The following EDA variants were observed in gnomAD, a reference collection of about 807,000 sequenced individuals.
The protein encoded by EDA is ectodysplasin A.
EDA carries 2 observed loss-of-function variants against 23.6 expected under a neutral mutation model. That is an observed-to-expected ratio of 0.08 (90% CI 0.03 to 0.27). The LOEUF (loss-of-function observed/expected upper bound fraction) is 0.27. EDA is among the 10% of genes least tolerant of loss of function. The pLI is 1.00. For synonymous variants in EDA, 131 were observed against 132.0 expected (o/e 0.99, Z 0.05); for missense variants, 229 against 324.2 (o/e 0.71, Z 2.26).
chrX:69,722,245 G>A lies in EDA; in HGVS notation c.396+105541G>A, dbSNP rs192779767. On this transcript the variant is annotated intron_variant, in intron 1 of 7. Transcript: ENST00000374552. ...TTTTGAGACAGAGTCTTGTTCTGTC[G>A]CCCAGGCTGGAGTGCAGTGGTGCTA... 6.2e-3 allele frequency among the ~76,000 whole-genome samples: 663 copies of A among 107,553 alleles called. 8 individuals are homozygous for A. The highest frequency in any genetic ancestry group is 0.021 in the African/African-American group (628 of 29,338). The allele number at this position is 107,553 out of a possible 115,157, so 93.4% of individuals were successfully genotyped here. A position where few individuals can be genotyped will look rare whatever the true frequency, so the allele number is the denominator to read the frequency against.
At chrX:69,718,450 C>T (rs2012434745) in intron 1 of EDA, among the ~76,000 whole-genome samples, 1 of 110,990 alleles carries the variant, frequency 9.0e-6, no homozygotes, top group Non-Finnish European at 1.9e-5. Context: ...TGCTTTTTAT[C>T]AAGTGAGTTA....
rs760851039 is a variant in EDA at position 69,639,350 on chromosome X, T to C, written c.396+22646T>C. On this transcript the variant is annotated intron_variant, in intron 1 of 7. Coordinates refer to ENST00000374552, the MANE Select transcript of EDA (RefSeq NM_001399.5). ...TTACTGAGGAACCACCAAACTGTTT[T>C]CCATAATTTTTGAATAATTTTCGCA... Among the ~76,000 whole-genome samples the C allele has an allele frequency of 4.5e-5, 5 of 111,897 alleles. No homozygotes were observed. In the South Asian group the frequency reaches 1.9e-3, roughly 41 times the overall value.
At chrX:69,635,045 G>A (rs1404678091) in intron 1 of EDA, among the ~76,000 whole-genome samples, 1 of 112,326 alleles carries the variant, frequency 8.9e-6, no homozygotes, top group African/African-American at 3.2e-5. Flanking sequence ...GGCTATACCT[G>A]TGTAGTAGGC....
intron 1 of EDA, among the ~76,000 whole-genome samples, chrX:69,948,951 C>G (rs1160557569): frequency 2.7e-5 from 3 of 111,570 alleles, no homozygotes; most frequent in Non-Finnish European, 5.7e-5. Flanking sequence ...TGAGACAACC[C>G]TGTTTCACTC....
In EDA at chrX:69,794,795, A is replaced by C. The variant is rs193190993; in HGVS notation, c.397-162232A>C. ...ATTGGATGGGATGTTGAAAGAGAGA[A>C]AGTCATTATTTCTAGGTTTCTGGCT... On this transcript the variant is annotated intron_variant, in intron 1 of 7. Transcript: ENST00000374552. Among the ~76,000 whole-genome samples the C allele has an allele frequency of 5.4e-4, 60 of 111,387 alleles. 1 individual carries two copies. In the Admixed American group the frequency reaches 5.5e-3, roughly 10 times the overall value.
intron 1 of EDA, among the ~76,000 whole-genome samples, chrX:69,709,834 A>C (rs2011899694): frequency 9.1e-6 from 1 of 110,366 alleles, no homozygotes; most frequent in African/African-American, 3.4e-5. Context: ...TATTAAGAAA[A>C]TTGTAGATTC....
At chrX:69,682,772 C>G (rs1198008926) in intron 1 of EDA, among the ~76,000 whole-genome samples, 1 of 111,324 alleles carries the variant, frequency 9.0e-6, no homozygotes, top group African/African-American at 3.3e-5. Context: ...ACGCAGAAAT[C>G]ACCCATCTTC....
intron 1 of EDA, among the ~76,000 whole-genome samples, chrX:69,818,852 C>G (rs5936760): frequency 0.16 from 18,305 of 111,469 alleles, 1,242 homozygotes; most frequent in East Asian, 0.27. Context: ...AAAGACTCCT[C>G]TCAAACTCGT....
chrX:69,969,885 TCTTGAGGCCAGGAA>T (rs768958808), intron 2 of EDA, among the ~76,000 whole-genome samples: 1 of 111,059 alleles, frequency 9.0e-6, no homozygotes, highest in East Asian at 2.9e-4. Flanking sequence ...CAGGAGGATC[TCTTGAGGCCAGGAA>T]CTTGAGACCA....
At chrX:69,758,039 A>G (rs765766127) in intron 1 of EDA, among the ~76,000 whole-genome samples, 1 of 112,264 alleles carries the variant, frequency 8.9e-6, no homozygotes, top group East Asian at 2.8e-4. Flanking sequence ...TTTATTGCGT[A>G]TCACTCAGAA....
intron 3 of EDA, among the ~76,000 whole-genome samples, chrX:70,025,408 G>A (rs1489751355): frequency 9.0e-6 from 1 of 110,961 alleles, no homozygotes; most frequent in Non-Finnish European, 1.9e-5. Context: ...AAATAAGGAG[G>A]GAGAAGCAAA....
intron 1 of EDA, among the ~76,000 whole-genome samples, chrX:69,764,887 A>G (rs1213588865): frequency 1.8e-5 from 2 of 111,599 alleles, no homozygotes; most frequent in Non-Finnish European, 3.8e-5. Flanking sequence ...AATCTTCTCA[A>G]TGGTTAGCAT....
intron 1 of EDA, among the ~76,000 whole-genome samples, chrX:69,693,980 T>A: frequency 8.9e-6 from 1 of 112,254 alleles, no homozygotes. Flanking sequence ...ATGTACCACC[T>A]GAAGTTTTTA....
intron 1 of EDA, among the ~76,000 whole-genome samples, chrX:69,836,570 C>T (rs1202107528): frequency 1.8e-5 from 2 of 112,369 alleles, no homozygotes; most frequent in African/African-American, 6.5e-5. Flanking sequence ...TCTTGTCTGC[C>T]AGTTGCTAAG....
intron 1 of EDA, among the ~76,000 whole-genome samples, chrX:69,726,009 G>A (rs1361251711): frequency 8.9e-6 from 1 of 111,827 alleles, no homozygotes; most frequent in African/African-American, 3.2e-5. Context: ...AGACAGATAA[G>A]ATGAGCAGGG....
At chrX:70,027,367 G>T (rs1425564363) in intron 3 of EDA, among the ~76,000 whole-genome samples, 2 of 111,297 alleles carry the variant, frequency 1.8e-5, no homozygotes, top group East Asian at 5.6e-4. Context: ...AAAAGGGAGT[G>T]GGGGGAGGGG....
chrX:69,814,649 G>A (rs990333389), intron 1 of EDA, among the ~76,000 whole-genome samples: 7 of 111,804 alleles, frequency 6.3e-5, no homozygotes, highest in South Asian at 3.8e-4. Flanking sequence ...TGAAATATCC[G>A]GCTTCTCACA....
At chrX:69,675,345 G>A (rs1190348670) in intron 1 of EDA, among the ~76,000 whole-genome samples, 1 of 111,632 alleles carries the variant, frequency 9.0e-6, no homozygotes, top group Non-Finnish European at 1.9e-5. Context: ...TTAAGCTTCA[G>A]ATTTGCATTT....
In EDA at chrX:69,824,305, C is replaced by T. The variant is rs760789138; in HGVS notation, c.397-132722C>T. ...ACCTTGGGCAGTATGGCCATTTTCA[C>T]GATATTGATTCTTCCTACGCATGAG... On this transcript the variant is annotated intron_variant, in intron 1 of 7. Transcript: ENST00000374552. Among the ~76,000 whole-genome samples the T allele has an allele frequency of 3.2e-3, 351 of 110,001 alleles. 1 individual carries two copies. The Middle Eastern group carries it at 0.055, about 17-fold the overall frequency.
Sources: allele counts gnomAD v4.1 joint callset (sites outside exome capture counted in the v4.1 genomes callset), GRCh38; gene constraint gnomAD v4.1.1; transcripts MANE v1.5; gene names NCBI Gene and HGNC (gene_info 2026-07-23, HGNC 2026-07-21).